DCDC1: variants seen among roughly 807,000 people sequenced by gnomAD.
The protein encoded by DCDC1 is doublecortin domain-containing protein 1.
Under a neutral mutation model 178.3 loss-of-function variants are expected in DCDC1, and 200 were observed. That is an observed-to-expected ratio of 1.12 (90% CI 1.00 to 1.26). The LOEUF is 1.26. DCDC1 is among the 50% of genes most tolerant of loss of function. DCDC1 has a pLI of 0.00. For synonymous variants in DCDC1, 690 were observed against 604.8 expected (o/e 1.14, Z -2.07); for missense variants, 1,983 against 1,749.2 (o/e 1.13, Z -2.38).
intron 23 of DCDC1, among the ~76,000 whole-genome samples, chr11:30,924,697 T>C (rs185318182): frequency 2.0e-4 from 31 of 152,332 alleles, no homozygotes; most frequent in Admixed American, 5.2e-4. Context: ...GAGCAGGAGA[T>C]AGAAATTACA....
intron 7 of DCDC1, among the ~76,000 whole-genome samples, chr11:31,275,702 C>A (rs1591615101): frequency 6.6e-6 from 1 of 152,222 alleles, no homozygotes; most frequent in Middle Eastern, 3.4e-3. Flanking sequence ...CAGGGTTTCT[C>A]CATGTTGGTC....
At chr11:30,911,603 G>C (rs1232640481) in intron 27 of DCDC1, among the ~76,000 whole-genome samples, 183 bp from the exon 28 acceptor site, 1 of 152,202 alleles carries the variant, frequency 6.6e-6, no homozygotes. Flanking sequence ...GAGAGTGCTG[G>C]AAGAAGACTG....
chr11:30,871,896 A>G (rs1383533699), intron 38 of DCDC1, among the ~76,000 whole-genome samples: 1 of 151,992 alleles, frequency 6.6e-6, no homozygotes, highest in Admixed American at 6.6e-5. Context: ...ATATATACAC[A>G]TATATATACA....
chr11:31,340,406 C>T (rs1238415312), intron 1 of DCDC1, among the ~76,000 whole-genome samples: 3 of 152,088 alleles, frequency 2.0e-5, no homozygotes, highest in Admixed American at 2.0e-4. Flanking sequence ...GGCTAGGTAA[C>T]TGTAGCTGTG....
rs537344715 is a variant in DCDC1, at chr11:31,163,661, C to T, written c.1222-25877G>A. On this transcript the variant is annotated intron_variant, in intron 9 of 38. Transcript: ENST00000684477. ...TAAAACCCCTCAGAAATCAAAGCTG[C>T]AAAAAGGAACATGTGTTTAAGCATA... is the stretch of plus-strand genomic sequence containing the variant. 7.5e-4 allele frequency among the ~76,000 whole-genome samples: 114 copies of T among 152,040 alleles called. 1 individual carries two copies. Among genetic ancestry groups the T allele is most frequent in the Non-Finnish European group, 1.1e-3 (78 of 67,906 alleles).
At chr11:31,019,603 A>G (rs1317938310) in intron 20 of DCDC1, among the ~76,000 whole-genome samples, 1 of 152,210 alleles carries the variant, frequency 6.6e-6, no homozygotes, top group African/African-American at 2.4e-5. Flanking sequence ...AATTTCTCAC[A>G]TGATAGAATA....
intron 9 of DCDC1, among the ~76,000 whole-genome samples, chr11:31,205,786 C>T (rs1204923943): frequency 1.3e-5 from 2 of 151,986 alleles, no homozygotes; most frequent in Non-Finnish European, 2.9e-5. Context: ...TTTAAATAAA[C>T]AATGAATAAT....
intron 9 of DCDC1, among the ~76,000 whole-genome samples, chr11:31,199,339 T>C (rs1175558486): frequency 6.6e-6 from 1 of 152,032 alleles, no homozygotes; most frequent in East Asian, 1.9e-4. Context: ...GTTTATTAAG[T>C]ACATCAACAA....
intron 9 of DCDC1, among the ~76,000 whole-genome samples, chr11:31,216,893 A>G (rs2136626555): frequency 6.6e-6 from 1 of 152,336 alleles, no homozygotes; most frequent in Non-Finnish European, 1.5e-5. Context: ...CAAAGCATAA[A>G]TCAGTTCCTC....
At chr11:30,969,077 G>A (rs1949634235) in intron 20 of DCDC1, among the ~76,000 whole-genome samples, 1 of 151,670 alleles carries the variant, frequency 6.6e-6, no homozygotes, top group African/African-American at 2.4e-5. Context: ...CAAAGCCACT[G>A]CAAGATTTAC....
At position 31,328,296 on chromosome 11, in the gene DCDC1, A is replaced by G. The variant is rs201975340; in HGVS notation, c.-6-10T>C. The stretch of plus-strand genomic sequence containing the variant: ...TTTTTGCCATTTTCAGCTAAAAATG[A>G]TAAAGAATGTTATTTAATTTTAAAT... On this transcript the variant is annotated splice_polypyrimidine_tract_variant and intron_variant, in intron 2 of 38. Transcript: ENST00000684477. The G allele has an allele frequency of 6.4e-7, 1 of 1,551,708 alleles. No individual in the cohort carries two copies. The highest frequency in any genetic ancestry group is 8.7e-7 in the Non-Finnish European group (1 of 1,146,270).
intron 30 of DCDC1, 176 bp downstream of exon 30, chr11:30,906,364 C>A (rs1945060853): frequency 4.7e-6 from 3 of 634,426 alleles, no homozygotes; most frequent in Admixed American, 3.0e-5. Flanking sequence ...ATAGACAATG[C>A]ATTTTAAATT....
intron 20 of DCDC1, among the ~76,000 whole-genome samples, chr11:30,957,750 C>A (rs1244420227): frequency 6.6e-6 from 1 of 152,192 alleles, no homozygotes; most frequent in African/African-American, 2.4e-5. Context: ...AGCCACCCAT[C>A]ATGAGCTGGG....
intron 29 of DCDC1, among the ~76,000 whole-genome samples, chr11:30,907,094 A>G (rs1945117725): frequency 6.6e-6 from 1 of 152,184 alleles, no homozygotes; most frequent in African/African-American, 2.4e-5. Flanking sequence ...AACATGAAGG[A>G]GCCTCCACTG....
At chr11:30,888,130 GAAA>G (rs1565030197) in intron 36 of DCDC1, among the ~76,000 whole-genome samples, 12 of 129,804 alleles carry the variant, frequency 9.2e-5, no homozygotes, top group Non-Finnish European at 1.8e-4. Flanking sequence ...AAGAAAGAAA[GAAA>G]GAAAGAAAGA....
intron 15 of DCDC1, among the ~76,000 whole-genome samples, chr11:31,100,814 T>G (rs1471301604): frequency 1.3e-5 from 2 of 152,202 alleles, no homozygotes; most frequent in Admixed American, 1.3e-4. Context: ...ACATGTGTTT[T>G]CAGCAGGAAA....
chr11:31,144,372 G>A (rs1485448197), intron 9 of DCDC1, among the ~76,000 whole-genome samples: 1 of 152,054 alleles, frequency 6.6e-6, no homozygotes, highest in African/African-American at 2.4e-5. Flanking sequence ...CTCCTGAGCA[G>A]GTGATCCACC....
chr11:30,904,871 T>C (rs1944948489), intron 31 of DCDC1, 90 bp downstream of exon 31: 4 of 1,461,720 alleles, frequency 2.7e-6, no homozygotes, highest in Non-Finnish European at 2.8e-6. Flanking sequence ...GGGACATTTA[T>C]CACTCAATCC....
intron 20 of DCDC1, among the ~76,000 whole-genome samples, chr11:30,987,742 T>C (rs1469319134): frequency 6.6e-6 from 1 of 152,232 alleles, no homozygotes; most frequent in Non-Finnish European, 1.5e-5. Flanking sequence ...TAGCCTAGGA[T>C]GCCTTTGAAT....
Sources: allele counts gnomAD v4.1 joint callset (sites outside exome capture counted in the v4.1 genomes callset), GRCh38; gene constraint gnomAD v4.1.1; transcripts MANE v1.5; gene names NCBI Gene and HGNC (gene_info 2026-07-23, HGNC 2026-07-21).